Variants in CERK observed in about 807,000 individuals in gnomAD.
CERK encodes ceramide kinase, also known as acylsphingosine kinase.
Under a neutral mutation model 63.4 loss-of-function variants are expected in CERK, and 39 were observed. The observed-to-expected ratio is 0.61, with a 90% CI of 0.48 to 0.80. CERK has a LOEUF of 0.80. Ranked by LOEUF, CERK falls within the 30% of genes least tolerant of loss-of-function variation. CERK has a pLI of 0.00. For missense variants in CERK, 670 were observed against 714.1 expected (o/e 0.94, Z 0.70); for synonymous variants, 302 against 280.0 (o/e 1.08, Z -0.78).
chr22:46,710,355 A>G (rs1350513279), intron 5 of CERK, among the ~76,000 whole-genome samples: 5 of 151,726 alleles, frequency 3.3e-5, no homozygotes, highest in East Asian at 1.9e-4. Flanking sequence ...AATCATTTGG[A>G]CTTGGGAGGC....
chr22:46,722,297 G>A (rs560911204), intron 1 of CERK, among the ~76,000 whole-genome samples: 2 of 152,204 alleles, frequency 1.3e-5, no homozygotes, highest in African/African-American at 4.8e-5. Context: ...TGGGAGGGTA[G>A]TGTCTGAACT....
chr22:46,733,971 G>A (rs779758039), intron 1 of CERK, among the ~76,000 whole-genome samples: 9 of 152,086 alleles, frequency 5.9e-5, no homozygotes, highest in Non-Finnish European at 1.0e-4. Context: ...GGGAGGTGGA[G>A]GTTGCAGTGA....
At position 46,686,126 on chromosome 22, in the gene CERK, GC is replaced by G. The variant is rs2082699744; in HGVS notation, c.*1007del. 3.9e-5 allele frequency: 6 copies of G among 152,014 alleles called. No homozygotes were observed. The highest frequency in any genetic ancestry group is 3.3e-4 in the Admixed American group (5 of 15,248). The allele number at this position is 152,014 out of a possible 1,614,324, so 9.4% of individuals were successfully genotyped here. On this transcript the variant is annotated 3_prime_UTR_variant, in exon 13 of 13. Transcript: ENST00000216264. ...ACCAGCGATCCATCGTGGCTTCGAG[GC>G]AAAAGACAGACATCCGAGACGCAGT... is the stretch of plus-strand genomic sequence containing the variant.
At position 46,687,176 on chromosome 22, in the gene CERK, TG is replaced by T; in HGVS notation, c.1571del (p.Ala524AspfsTer27). ...GCTTCGGATTCTCTTCAATTCCTCG[TG>T]CAAAGAGTCGAACCAGCTGGCAGTG... ...RVHCQLVRLFARGIEENPKPD... is the reference protein window; with the variant it reads ...RVHCQLVRLFXRGIEENPKPD... On this transcript the variant is annotated frameshift_variant, in exon 13 of 13. Coordinates refer to ENST00000216264, the MANE Select transcript of CERK (RefSeq NM_022766.6). LOFTEE classifies it high-confidence loss of function. 6.2e-7 allele frequency: 1 copy of T among 1,614,170 alleles called. No homozygotes were observed. Among genetic ancestry groups the T allele is most frequent in the Non-Finnish European group, 8.5e-7 (1 of 1,180,038 alleles).
chr22:46,706,609 A>G (rs2082814221), intron 6 of CERK, among the ~76,000 whole-genome samples: 1 of 152,168 alleles, frequency 6.6e-6, no homozygotes, highest in South Asian at 2.1e-4. Flanking sequence ...AGGCGATATT[A>G]TGAAAAGTTC....
chr22:46,693,067 C>A (rs1164589762), intron 10 of CERK, among the ~76,000 whole-genome samples: 3 of 152,206 alleles, frequency 2.0e-5, no homozygotes, highest in Non-Finnish European at 4.4e-5. Context: ...GCTGCCTCTG[C>A]TGGACAGAGA....
chr22:46,728,744 G>T (rs1220442368), intron 1 of CERK, among the ~76,000 whole-genome samples: 1 of 152,240 alleles, frequency 6.6e-6, no homozygotes, highest in African/African-American at 2.4e-5. Flanking sequence ...GGCTGGAGAG[G>T]CCAGCGTGCA....
intron 12 of CERK, among the ~76,000 whole-genome samples, chr22:46,688,904 C>G (rs1014342770): frequency 6.6e-6 from 1 of 152,274 alleles, no homozygotes; most frequent in African/African-American, 2.4e-5. Context: ...AATTTGCACG[C>G]CCACACCTAA....
chr22:46,697,490 GC>G (rs1257078436), intron 8 of CERK, among the ~76,000 whole-genome samples: 2 of 151,420 alleles, frequency 1.3e-5, no homozygotes, highest in Non-Finnish European at 2.9e-5. Context: ...TCCCTATGTC[GC>G]CCAGGCTGAA....
intron 6 of CERK, among the ~76,000 whole-genome samples, chr22:46,703,529 G>A (rs1219398315): frequency 6.6e-6 from 1 of 152,136 alleles, no homozygotes; most frequent in East Asian, 1.9e-4. Flanking sequence ...GTGCCCCCAG[G>A]CTGCTCCCCA....
chr22:46,684,790 T>C lies in CERK; in HGVS notation c.*2344A>G, dbSNP rs969664049. On this transcript the variant is annotated 3_prime_UTR_variant, in exon 13 of 13. Coordinates refer to ENST00000216264, the MANE Select transcript of CERK (RefSeq NM_022766.6). ...AAAGGCTGCCCCGGAAATCAGAGCC[T>C]ATCTAGCGGGAATGTCTGGGCAGTC... is the stretch of plus-strand genomic sequence containing the variant. The C allele has an allele frequency of 6.6e-6, 1 of 152,196 alleles. No individual in the cohort carries two copies. The highest frequency in any genetic ancestry group is 2.4e-5 in the African/African-American group (1 of 41,450). The allele number at this position is 152,196 out of a possible 1,614,324, so 9.4% of individuals were successfully genotyped here.
chr22:46,693,281 G>A, intron 10 of CERK, 146 bp downstream of exon 10: 1 of 655,466 alleles, frequency 1.5e-6, no homozygotes, highest in East Asian at 2.8e-5. Context: ...GCTGCCTGGG[G>A]CTAAGAAGAA....
At position 46,738,109 on chromosome 22, in the gene CERK, G is replaced by T; in HGVS notation, c.40C>A (p.Leu14Met). 2 of 1,272,990 alleles carry T rather than the reference G, an allele frequency of 1.6e-6. No homozygotes were observed. Among genetic ancestry groups the T allele is most frequent in the Non-Finnish European group, 1.0e-6 (1 of 1,001,492 alleles). The allele number at this position is 1,272,990 out of a possible 1,614,324, so 78.9% of individuals were successfully genotyped here. The change falls in exon 1 of 13, where the codon CTG becomes ATG. Residue 14 changes from leucine (L) to methionine (M), a missense_variant. Leu to Met is a conservative substitution (Grantham distance 15). Coordinates refer to ENST00000216264, the MANE Select transcript of CERK (RefSeq NM_022766.6). Reference protein sequence around the residue: ...TGAAEPLQSVLWVKQQRCAVS... With the variant: ...TGAAEPLQSVMWVKQQRCAVS... ...GCGCAGCGCTGCTGCTTCACCCACA[G>T]CACGGATTGCAGCGGCTCCGCCGCC...
At chr22:46,719,021 T>C (rs570726119) in intron 3 of CERK, among the ~76,000 whole-genome samples, 2 of 152,012 alleles carry the variant, frequency 1.3e-5, no homozygotes, top group East Asian at 3.9e-4. Context: ...TGAGCTAAGA[T>C]CATGCCACTG....
At chr22:46,712,318 A>G (rs201322362) in intron 3 of CERK, 25 bp from the exon 4 acceptor site, 1 of 1,609,064 alleles carries the variant, frequency 6.2e-7, no homozygotes, top group East Asian at 2.2e-5. Flanking sequence ...CATGTAAATA[A>G]CAACGAAAAT....
chr22:46,708,140 A>G, intron 5 of CERK, 152 bp from the exon 6 acceptor site: 1 of 853,608 alleles, frequency 1.2e-6, no homozygotes, highest in Non-Finnish European at 1.7e-6. Context: ...CCTAAGTGAT[A>G]AGGTCGTGCC....
In CERK at chr22:46,691,781, A is replaced by C. The variant is rs767334478; in HGVS notation, c.1127-4T>G. 2 of 1,605,224 alleles carry C rather than the reference A, an allele frequency of 1.2e-6. No homozygotes were observed. Among genetic ancestry groups the C allele is most frequent in the South Asian group, 2.2e-5 (2 of 90,754 alleles). On this transcript the variant is annotated splice_polypyrimidine_tract_variant and splice_region_variant and intron_variant, in intron 10 of 12. Coordinates refer to ENST00000216264, the MANE Select transcript of CERK (RefSeq NM_022766.6). ...ACTTGCCACTCCTCCACGTCCTCTGAAGCACAAAGAACCACGGAGATGTCA... is the reference window on the plus strand; with the variant it reads ...ACTTGCCACTCCTCCACGTCCTCTGCAGCACAAAGAACCACGGAGATGTCA...
rs1569319279 is a variant in CERK, at chr22:46,693,751, G to C, written c.1050-248C>G. 3 of 438,066 alleles carry C rather than the reference G, an allele frequency of 6.8e-6. No individual in the cohort carries two copies. The East Asian group carries it at 1.4e-4, about 21-fold the overall frequency. 27.1% of individuals were successfully genotyped at this position (438,066 alleles called of 1,614,324 possible). ...GAGAAGCACAGCATGAGGACGCTGA[G>C]GTGCCACCTGGAGACGGTTTCTGCC... On this transcript the variant is annotated intron_variant, in intron 9 of 12. Coordinates refer to ENST00000216264, the MANE Select transcript of CERK (RefSeq NM_022766.6).
intron 5 of CERK, among the ~76,000 whole-genome samples, chr22:46,710,807 C>G (rs1376659860): frequency 6.6e-6 from 1 of 152,246 alleles, no homozygotes; most frequent in Non-Finnish European, 1.5e-5. Flanking sequence ...ATTTGCTTCT[C>G]TGTCTACACA....
Sources: allele counts gnomAD v4.1 joint callset (sites outside exome capture counted in the v4.1 genomes callset), GRCh38; gene constraint gnomAD v4.1.1; transcripts MANE v1.5; gene names NCBI Gene and HGNC (gene_info 2026-07-23, HGNC 2026-07-21).